KCNH7: variants seen among roughly 807,000 people sequenced by gnomAD.
The protein encoded by KCNH7 is voltage-gated inwardly rectifying potassium channel KCNH7.
A neutral mutation model predicts 120.8 loss-of-function variants in KCNH7; 49 were observed. The observed-to-expected ratio is 0.41, with a 90% confidence interval of 0.32 to 0.51. The LOEUF (loss-of-function observed/expected upper bound fraction) is 0.51, where lower values mean the gene tolerates loss of function less well. Ranked by LOEUF, KCNH7 falls within the 20% of genes least tolerant of loss-of-function variation. KCNH7 has a pLI of 0.38. For missense variants in KCNH7, 1,097 were observed against 1,446.6 expected (o/e 0.76, Z 3.92); for synonymous variants, 547 against 516.1 (o/e 1.06, Z -0.81).
chr2:162,744,659 G>C (rs13401512), intron 2 of KCNH7, among the ~76,000 whole-genome samples: 1 of 145,762 alleles, frequency 6.9e-6, no homozygotes, highest in Non-Finnish European at 1.5e-5. Flanking sequence ...TGCAAGCTTC[G>C]CCTCTCGGGT....
At chr2:162,373,319 AC>A (rs1308504146) in intron 15 of KCNH7, 150 bp downstream of exon 15, 6 of 449,494 alleles carry the variant, frequency 1.3e-5, no homozygotes, top group Non-Finnish European at 7.7e-6. Context: ...AATGCAGATT[AC>A]AGGGCCCATT....
At chr2:162,762,137 C>T (rs1215387371) in intron 2 of KCNH7, among the ~76,000 whole-genome samples, 1 of 152,020 alleles carries the variant, frequency 6.6e-6, no homozygotes, top group Non-Finnish European at 1.5e-5. Flanking sequence ...CTCTCCACTG[C>T]TTTTCTCCAA....
At chr2:162,411,918 A>G (rs1687403586) in intron 9 of KCNH7, among the ~76,000 whole-genome samples, 1 of 151,994 alleles carries the variant, frequency 6.6e-6, no homozygotes, top group African/African-American at 2.4e-5. Flanking sequence ...AGAACATCCA[A>G]TATTAAATCC....
At chr2:162,682,615 G>A (rs1443765577) in intron 2 of KCNH7, among the ~76,000 whole-genome samples, 1 of 151,750 alleles carries the variant, frequency 6.6e-6, no homozygotes, top group African/African-American at 2.4e-5. Flanking sequence ...CCGAAAGAAT[G>A]TCGTACCAAA....
chr2:162,496,238 G>C lies in KCNH7; in HGVS notation c.1128+8205C>G, dbSNP rs1013294977. Among the ~76,000 whole-genome samples the C allele has an allele frequency of 2.6e-5, 4 of 152,226 alleles. No individual in the cohort carries two copies. The South Asian group carries it at 6.2e-4, about 24-fold the overall frequency. ...GTTGGGGGTCTCCACTCCTGAAGAA[G>C]GGAATGAAAGGAGTTAGCTTTCTTT... On this transcript the variant is annotated intron_variant, in intron 6 of 15. Transcript: ENST00000332142.
chr2:162,735,305 G>A (rs1430377131), intron 2 of KCNH7, among the ~76,000 whole-genome samples: 1 of 152,146 alleles, frequency 6.6e-6, no homozygotes, highest in East Asian at 1.9e-4. Flanking sequence ...CCCTCTCCTT[G>A]TTCGGAGAGT....
chr2:162,583,391 T>C (rs1416552860), intron 2 of KCNH7, among the ~76,000 whole-genome samples: 2 of 152,084 alleles, frequency 1.3e-5, no homozygotes, highest in East Asian at 1.9e-4. Flanking sequence ...TCTTTTACTA[T>C]ATAATTACAT....
intron 8 of KCNH7, among the ~76,000 whole-genome samples, chr2:162,431,690 T>C (rs1213441699): frequency 6.6e-6 from 1 of 152,004 alleles, no homozygotes; most frequent in Non-Finnish European, 1.5e-5. Flanking sequence ...GGGTGTATCT[T>C]ACTGTAATCA....
Position 162,396,736 on chromosome 2 carries a change from A to T in KCNH7, c.2613+4T>A. 1 of 1,598,806 alleles carries T rather than the reference A, an allele frequency of 6.3e-7. No individual in the cohort carries two copies. Among genetic ancestry groups the T allele is most frequent in the Admixed American group, 1.7e-5 (1 of 59,670 alleles). On this transcript the variant is annotated splice_donor_region_variant and intron_variant, in intron 11 of 15. Coordinates refer to ENST00000332142, the MANE Select transcript of KCNH7 (RefSeq NM_033272.4). ...ACAGACATAAGCAAACAGTTAACATATACCTTTGCGCTCTCATGCCTTAGG... is the reference window on the plus strand; with the variant it reads ...ACAGACATAAGCAAACAGTTAACATTTACCTTTGCGCTCTCATGCCTTAGG...
chr2:162,394,473 G>A lies in KCNH7; in HGVS notation c.2626C>T (p.Arg876Ter), dbSNP rs1229855251. Reference protein sequence around the residue: ...RHESAKADLLRSQSMNDSEGD... With the variant: ...RHESAKADLL Reference sequence around the variant, plus strand: ...TCTGAATCATTCATGGATTGTGATCGTAGGAGATCAGCCTTTGTTAATGGA... The same window carrying A: ...TCTGAATCATTCATGGATTGTGATCATAGGAGATCAGCCTTTGTTAATGGA... Residue 876 changes from arginine to a stop codon, truncating the protein, a stop_gained, in exon 12 of 16, where the codon CGA (arginine) becomes TGA (stop). Coordinates refer to ENST00000332142, the MANE Select transcript of KCNH7 (RefSeq NM_033272.4). LOFTEE classifies it high-confidence loss of function. The A allele has an allele frequency of 1.9e-6, 3 of 1,595,100 alleles. No individual in the cohort carries two copies. Among genetic ancestry groups the A allele is most frequent in the Non-Finnish European group, 2.6e-6 (3 of 1,164,362 alleles).
At chr2:162,413,822 G>A (rs1573929338) in intron 9 of KCNH7, among the ~76,000 whole-genome samples, 1 of 151,470 alleles carries the variant, frequency 6.6e-6, no homozygotes, top group Non-Finnish European at 1.5e-5. Context: ...ATCCAAAATA[G>A]TCCTTAAACA....
rs966555454 is a variant in KCNH7 at position 162,560,439 on chromosome 2, G to A, written c.308-23359C>T. Among the ~76,000 whole-genome samples the A allele has an allele frequency of 2.3e-4, 35 of 152,286 alleles. No individual in the cohort carries two copies. The Middle Eastern group carries it at 0.01, about 44-fold the overall frequency. On this transcript the variant is annotated intron_variant, in intron 2 of 15. Transcript: ENST00000332142. The stretch of plus-strand genomic sequence containing the variant: ...GAGAGGAAAGTCTGTGGCTGACAGG[G>A]AAGAGCCCACTTAGCTAGGCTGGGG...
intron 2 of KCNH7, among the ~76,000 whole-genome samples, chr2:162,663,297 C>G (rs1685029416): frequency 6.6e-6 from 1 of 152,040 alleles, no homozygotes; most frequent in South Asian, 2.1e-4. Flanking sequence ...CACATTTTAC[C>G]TTCTTGTGTT....
chr2:162,557,418 C>T (rs1692894487), intron 2 of KCNH7, among the ~76,000 whole-genome samples: 1 of 152,134 alleles, frequency 6.6e-6, no homozygotes, highest in Non-Finnish European at 1.5e-5. Flanking sequence ...ATCACTTCTT[C>T]CATATTCTAT....
At chr2:162,702,962 T>C (rs952603173) in intron 2 of KCNH7, among the ~76,000 whole-genome samples, 1 of 152,086 alleles carries the variant, frequency 6.6e-6, no homozygotes, top group African/African-American at 2.4e-5. Context: ...CCAAGTGCAC[T>C]AGATCTTGGT....
At chr2:162,818,211 G>A (rs892480411) in intron 2 of KCNH7, among the ~76,000 whole-genome samples, 8 of 151,526 alleles carry the variant, frequency 5.3e-5, no homozygotes, top group Non-Finnish European at 1.2e-4. Context: ...AGATATTTTT[G>A]TTTATATCTC....
chr2:162,469,050 C>G (rs951807586), intron 6 of KCNH7, among the ~76,000 whole-genome samples: 28 of 152,156 alleles, frequency 1.8e-4, no homozygotes, highest in Admixed American at 1.6e-3. Context: ...AAGCAGGAAT[C>G]TTGCTATGTT....
chr2:162,547,237 A>G (rs540888657), intron 2 of KCNH7, among the ~76,000 whole-genome samples: 2 of 152,238 alleles, frequency 1.3e-5, no homozygotes, highest in East Asian at 3.9e-4. Context: ...ACATAATCCA[A>G]TCTCTTCCCA....
intron 2 of KCNH7, among the ~76,000 whole-genome samples, chr2:162,662,629 G>T (rs1446131485): frequency 6.6e-6 from 1 of 152,124 alleles, no homozygotes; most frequent in Admixed American, 6.5e-5. Context: ...ACATATAAAA[G>T]CTCTCTCTTT....
Sources: gnomAD v4.1 joint callset for allele counts (sites outside exome capture counted in the v4.1 genomes callset) on GRCh38, gnomAD v4.1.1 for gene constraint, MANE v1.5 for transcripts, NCBI Gene and HGNC (gene_info 2026-07-23, HGNC 2026-07-21) for gene names.